The following ZMAT1 variants were observed in gnomAD, a reference collection of about 807,000 sequenced individuals.
ZMAT1 encodes zinc finger matrin-type 1, also known as zinc finger matrin-type protein 1.
In ZMAT1, 11 loss-of-function variants were observed where a neutral mutation model predicts 18.5. The observed-to-expected ratio is 0.59, with a 90% CI of 0.37 to 0.98. The LOEUF (loss-of-function observed/expected upper bound fraction) is 0.98, where lower values mean the gene tolerates loss of function less well. ZMAT1 is among the 50% of genes least tolerant of loss of function. The pLI is 0.01. For synonymous variants in ZMAT1, 211 were observed against 176.4 expected, an observed-to-expected ratio of 1.20 and a Z score of -1.55; for missense variants, 525 against 496.2, an observed-to-expected ratio of 1.06 and a Z score of -0.55.
At chrX:101,931,546 G>GCACACTCGGGGCTAATACGGCGGGGC in intron 1 of ZMAT1, 171 bp downstream of exon 1, 1 of 729,361 alleles carries the variant, frequency 1.4e-6, no homozygotes, top group Non-Finnish European at 1.6e-6. Flanking sequence ...AGTCCATCTT[G>GCACACTCGGGGCTAATACGGCGGGGC]CACACTCGGG....
intron 1 of ZMAT1, among the ~76,000 whole-genome samples, chrX:101,922,152 G>T (rs775160912): frequency 9.0e-6 from 1 of 111,203 alleles, no homozygotes; most frequent in African/African-American, 3.3e-5. Flanking sequence ...TTTCCACTGA[G>T]AACAAATTTA....
intron 1 of ZMAT1, among the ~76,000 whole-genome samples, chrX:101,922,900 C>T (rs975969073): frequency 9.0e-6 from 1 of 111,610 alleles, no homozygotes; most frequent in African/African-American, 3.3e-5. Context: ...TTCAGGGTGA[C>T]AGCTTAGAGG....
Position 101,931,982 on chromosome X carries a change from G to A in ZMAT1, c.27C>T (p.Thr9=), listed in dbSNP as rs1022508828. The change falls in exon 1 of 6, where the codon ACC becomes ACT. Residue 9 remains threonine, a synonymous_variant. Transcript: ENST00000651725. MAAAPSTV[T]PLAAESSPQE... ...GAGGGGAAGACTCCGCCGCCAGCGGGGTGACTGTGCTCGGCGCCGCCGCCA... is the reference window on the plus strand; with the variant it reads ...GAGGGGAAGACTCCGCCGCCAGCGGAGTGACTGTGCTCGGCGCCGCCGCCA... The A allele has an allele frequency of 1.6e-5, 12 of 770,174 alleles. No individual in the cohort carries two copies. The East Asian group carries it at 1.6e-3, about 106-fold the overall frequency. The allele number at this position is 770,174 out of a possible 1,213,427, so 63.5% of individuals were successfully genotyped here.
chrX:101,926,880 G>T (rs1437915859), intron 1 of ZMAT1, among the ~76,000 whole-genome samples: 2 of 111,882 alleles, frequency 1.8e-5, no homozygotes, highest in African/African-American at 6.5e-5. Flanking sequence ...TGCTGAAGTG[G>T]GAAGTTCACA....
At chrX:101,914,320 A>G (rs1036808793) in intron 1 of ZMAT1, among the ~76,000 whole-genome samples, 1 of 111,231 alleles carries the variant, frequency 9.0e-6, no homozygotes, top group African/African-American at 3.3e-5. Flanking sequence ...CCCCCAAATT[A>G]GTAGAACAAA....
rs1602353542 is a variant in ZMAT1, at chrX:101,926,069, T to G, written c.292+5648A>C. Among the ~76,000 whole-genome samples, 4 of 112,311 alleles carry G rather than the reference T, an allele frequency of 3.6e-5. 1 individual carries two copies. The highest frequency in any genetic ancestry group is 2.8e-4 in the Admixed American group (3 of 10,591). On this transcript the variant is annotated intron_variant, in intron 1 of 5. Coordinates refer to ENST00000651725, the MANE Select transcript of ZMAT1 (RefSeq NM_001394560.1). ...AATTAAAGAATTGAGGGAGGTAAAC[T>G]GTAAAACATGATTCTAGACTCAGGT...
At chrX:101,921,761 T>C (rs1215087371) in intron 1 of ZMAT1, among the ~76,000 whole-genome samples, 1 of 111,550 alleles carries the variant, frequency 9.0e-6, no homozygotes, top group Non-Finnish European at 1.9e-5. Flanking sequence ...GTAAAATCCA[T>C]GTAAAATTTA....
In ZMAT1 at chrX:101,884,571, T is replaced by C. The variant is rs775489730; in HGVS notation, c.1027A>G (p.Ile343Val). 25 of 1,209,444 alleles carry C rather than the reference T, an allele frequency of 2.1e-5. No individual in the cohort carries two copies. The highest frequency in any genetic ancestry group is 2.7e-5 in the Non-Finnish European group (24 of 894,868). The change falls in exon 6 of 6, where the codon ATT becomes GTT. Residue 343 changes from isoleucine to valine, a missense_variant. Physicochemically the swap from Ile to Val is conservative, Grantham distance 29 (BLOSUM62 3). Coordinates refer to ENST00000651725, the MANE Select transcript of ZMAT1 (RefSeq NM_001394560.1). ...TFRTYAAPYN[I>V]SQAMEKQLPH... ...AACTGCTTTTCCATTGCTTGTGAAA[T>C]ATTGTATGGTGCTGCGTATGTCCGG...
At chrX:101,911,092 A>C (rs1477195939) in intron 1 of ZMAT1, among the ~76,000 whole-genome samples, 1 of 111,920 alleles carries the variant, frequency 8.9e-6, no homozygotes, top group Non-Finnish European at 1.9e-5. Flanking sequence ...AGACTTTTCA[A>C]TGGAAACCTT....
At chrX:101,930,829 T>C (rs1275698526) in intron 1 of ZMAT1, among the ~76,000 whole-genome samples, 1 of 112,555 alleles carries the variant, frequency 8.9e-6, no homozygotes, top group African/African-American at 3.2e-5. Context: ...CAGTTTGCTA[T>C]TAGTAGGCTG....
chrX:101,903,159 T>C (rs1442653658), intron 2 of ZMAT1, among the ~76,000 whole-genome samples: 1 of 111,945 alleles, frequency 8.9e-6, no homozygotes, highest in African/African-American at 3.2e-5. Context: ...CTGTCTCTGT[T>C]ACTAATTCTA....
At chrX:101,923,313 G>C (rs927776217) in intron 1 of ZMAT1, among the ~76,000 whole-genome samples, 3 of 111,952 alleles carry the variant, frequency 2.7e-5, no homozygotes, top group African/African-American at 9.7e-5. Context: ...CTATTAACTA[G>C]CTGTGTGACT....
At chrX:101,885,368 T>A (rs1227726707) in intron 5 of ZMAT1, among the ~76,000 whole-genome samples, 1 of 111,392 alleles carries the variant, frequency 9.0e-6, no homozygotes, top group Non-Finnish European at 1.9e-5. Flanking sequence ...TTTTTAAAAA[T>A]CTAAATTATA....
Position 101,931,821 on chromosome X carries a change from C to T in ZMAT1, c.188G>A (p.Gly63Asp). The T allele has an allele frequency of 1.3e-6, 1 of 784,268 alleles. No individual in the cohort carries two copies. The highest frequency in any genetic ancestry group is 1.5e-6 in the Non-Finnish European group (1 of 660,839). 64.6% of individuals were successfully genotyped at this position (784,268 alleles called of 1,213,427 possible). ...TSAPACPPAGGCGDGGGGGFG... is the reference protein window; with the variant it reads ...TSAPACPPAGDCGDGGGGGFG... ...GCCGCCGCCGCCGCCGTCGCCACAGCCACCGGCAGGCGGGCAGGCAGGGGC... is the reference window on the plus strand; with the variant it reads ...GCCGCCGCCGCCGCCGTCGCCACAGTCACCGGCAGGCGGGCAGGCAGGGGC... Residue 63 changes from glycine (G) to aspartate (D), a missense_variant, in exon 1 of 6, where the codon GGC becomes GAC. By Grantham distance (94) the Gly-to-Asp change is moderately conservative. Transcript: ENST00000651725.
chrX:101,911,919 G>A, intron 1 of ZMAT1: 2 of 1,207,302 alleles, frequency 1.7e-6, no homozygotes, highest in Non-Finnish European at 2.2e-6. Context: ...TCCCATGGGT[G>A]TCACGATTGC....
chrX:101,896,943 C>T (rs1927852442), intron 4 of ZMAT1, among the ~76,000 whole-genome samples: 1 of 109,780 alleles, frequency 9.1e-6, no homozygotes, highest in Non-Finnish European at 1.9e-5. Context: ...ACTGATGATG[C>T]TGGTAGTACT....
chrX:101,895,848 T>A lies in ZMAT1; in HGVS notation c.676+2020A>T, dbSNP rs1927763124. The A allele has an allele frequency of 5.3e-6, 4 of 754,081 alleles. No individual in the cohort carries two copies. In the Admixed American group the frequency reaches 3.4e-4, roughly 65 times the overall value. The allele number at this position is 754,081 out of a possible 1,213,427, so 62.1% of individuals were successfully genotyped here. A position where few individuals can be genotyped will look rare whatever the true frequency, so the allele number is the denominator to read the frequency against. Reference sequence around the variant, plus strand: ...GCTTGACAGGAAGGGGCTTCAGGAATGTTGACTCTGCAGAAGTAGTAAGAG... The same window carrying A: ...GCTTGACAGGAAGGGGCTTCAGGAAAGTTGACTCTGCAGAAGTAGTAAGAG... On this transcript the variant is annotated intron_variant, in intron 4 of 5. Transcript: ENST00000651725.
intron 1 of ZMAT1, among the ~76,000 whole-genome samples, chrX:101,918,265 C>A (rs756569814): frequency 1.3e-4 from 15 of 111,145 alleles, no homozygotes; most frequent in Non-Finnish European, 2.1e-4. Flanking sequence ...ATGCCTGTAT[C>A]AAAACATCTC....
At chrX:101,905,893 A>C (rs1201901068) in intron 1 of ZMAT1, among the ~76,000 whole-genome samples, 2 of 78,098 alleles carry the variant, frequency 2.6e-5, no homozygotes, top group Admixed American at 2.5e-4. Context: ...AAAACTAAAA[A>C]AAAAAAAAAA....
Sources: gnomAD v4.1 joint callset for allele counts (sites outside exome capture counted in the v4.1 genomes callset) on GRCh38, gnomAD v4.1.1 for gene constraint, MANE v1.5 for transcripts, NCBI Gene and HGNC (gene_info 2026-07-23, HGNC 2026-07-21) for gene names.